Variants in FHOD3 observed in about 807,000 individuals in gnomAD.
FHOD3 encodes the protein FH1/FH2 domain-containing protein 3.
In FHOD3, 90 loss-of-function variants were observed where a neutral mutation model predicts 173.0. The observed-to-expected ratio is 0.52, with a 90% CI of 0.44 to 0.62. The LOEUF (loss-of-function observed/expected upper bound fraction) is 0.62, where lower values mean the gene tolerates loss of function less well. FHOD3 is among the 20% of genes least tolerant of loss of function. The pLI, the probability that FHOD3 is intolerant of heterozygous loss-of-function variation, is 0.00. For synonymous variants in FHOD3, 828 were observed against 823.0 expected (o/e 1.01, Z -0.10); for missense variants, 1,945 against 2,034.7 (o/e 0.96, Z 0.85).
intron 3 of FHOD3, among the ~76,000 whole-genome samples, chr18:36,391,037 G>A (rs1568210789): frequency 6.6e-6 from 1 of 152,206 alleles, no homozygotes; most frequent in African/African-American, 2.4e-5. Flanking sequence ...GGGTAATTAG[G>A]ATTGAAGGGG....
chr18:36,476,467 G>A (rs1470422991), intron 3 of FHOD3, among the ~76,000 whole-genome samples: 2 of 152,196 alleles, frequency 1.3e-5, no homozygotes, highest in Non-Finnish European at 2.9e-5. Context: ...GCAGCAGAGT[G>A]AAAGAGTGAG....
intron 17 of FHOD3, among the ~76,000 whole-genome samples, chr18:36,700,870 A>G (rs145753703): frequency 1.3e-5 from 2 of 152,086 alleles, no homozygotes; most frequent in Non-Finnish European, 2.9e-5. Flanking sequence ...CTTGGAGTGC[A>G]CTCTTCCATT....
rs758002932 is a variant in FHOD3, at chr18:36,625,711, C to T, written c.1158C>T (p.Pro386=). 6.2e-7 allele frequency: 1 copy of T among 1,610,440 alleles called. No individual in the cohort carries two copies. Among genetic ancestry groups the T allele is most frequent in the Non-Finnish European group, 8.5e-7 (1 of 1,177,872 alleles). Residue 386 remains proline (P), a synonymous_variant, in exon 10 of 29, where the codon CCC becomes CCT. Transcript: ENST00000590592. ...APTSPCSQSA[P]SFKPNQVRDL... is the part of the protein sequence containing the mutation. ...CCAGTCCCTGCTCCCAGTCAGCTCCCAGCTTCAAGCCCAACCAAGTGCGAG... is the reference window on the plus strand; with the variant it reads ...CCAGTCCCTGCTCCCAGTCAGCTCCTAGCTTCAAGCCCAACCAAGTGCGAG...
chr18:36,340,587 T>C (rs112679427), intron 1 of FHOD3, among the ~76,000 whole-genome samples: 1 of 151,652 alleles, frequency 6.6e-6, no homozygotes, highest in Non-Finnish European at 1.5e-5. Flanking sequence ...CTCTTGTTTT[T>C]TTTTTTTCCC....
At chr18:36,556,495 C>T (rs2057891202) in intron 5 of FHOD3, among the ~76,000 whole-genome samples, 1 of 152,128 alleles carries the variant, frequency 6.6e-6, no homozygotes, top group Non-Finnish European at 1.5e-5. Flanking sequence ...CCCAAGGATA[C>T]TAGACACAAC....
chr18:36,679,635 T>C (rs1414372512), intron 14 of FHOD3, among the ~76,000 whole-genome samples: 1 of 152,188 alleles, frequency 6.6e-6, no homozygotes, highest in Non-Finnish European at 1.5e-5. Context: ...CCATGTTTTT[T>C]TTTCTGACCT....
intron 3 of FHOD3, among the ~76,000 whole-genome samples, chr18:36,423,165 T>C (rs182261794): frequency 5.9e-5 from 9 of 152,322 alleles, no homozygotes; most frequent in African/African-American, 1.9e-4. Context: ...TGCTATGCTA[T>C]TCTGCTATGA....
At chr18:36,655,135 A>G (rs1466722727) in intron 13 of FHOD3, among the ~76,000 whole-genome samples, 1 of 148,388 alleles carries the variant, frequency 6.7e-6, no homozygotes, top group African/African-American at 2.5e-5. Context: ...AGTTCTCTGC[A>G]GGTCTCTTCC....
chr18:36,556,656 C>T (rs2057898862), intron 5 of FHOD3, among the ~76,000 whole-genome samples: 1 of 152,144 alleles, frequency 6.6e-6, no homozygotes, highest in Admixed American at 6.5e-5. Flanking sequence ...GTGTTAAAAA[C>T]CCCACAGAAC....
At chr18:36,721,274 A>G (rs1483997192) in intron 19 of FHOD3, among the ~76,000 whole-genome samples, 1 of 152,214 alleles carries the variant, frequency 6.6e-6, no homozygotes, top group Non-Finnish European at 1.5e-5. Flanking sequence ...TGTCTTTGGG[A>G]TAGGAAATGT....
At chr18:36,516,786 C>T (rs1426223792) in intron 5 of FHOD3, among the ~76,000 whole-genome samples, 1 of 152,176 alleles carries the variant, frequency 6.6e-6, no homozygotes, top group Non-Finnish European at 1.5e-5. Flanking sequence ...AATGATATTG[C>T]AAACCGTAAG....
intron 3 of FHOD3, among the ~76,000 whole-genome samples, chr18:36,500,583 T>G (rs1599398442): frequency 1.3e-5 from 2 of 152,348 alleles, no homozygotes; most frequent in South Asian, 2.1e-4. Flanking sequence ...ATAGTACACA[T>G]GCTTAATTTA....
chr18:36,528,151 T>C (rs187123751), intron 5 of FHOD3, among the ~76,000 whole-genome samples: 2 of 152,290 alleles, frequency 1.3e-5, no homozygotes, highest in Non-Finnish European at 2.9e-5. Context: ...CAGCTGGGGA[T>C]GGTTGTCCTG....
intron 17 of FHOD3, among the ~76,000 whole-genome samples, chr18:36,703,435 C>A (rs988528551): frequency 1.3e-5 from 2 of 152,164 alleles, no homozygotes; most frequent in African/African-American, 4.8e-5. Context: ...CTGTGTAGCT[C>A]TGGGCAAGTT....
intron 1 of FHOD3, among the ~76,000 whole-genome samples, chr18:36,310,707 GA>G (rs925510337): frequency 1.8e-4 from 26 of 145,340 alleles, no homozygotes; most frequent in African/African-American, 4.1e-4. Flanking sequence ...AAAAAGAAAA[GA>G]AAAAAAAAAG....
At chr18:36,482,731 C>A (rs1026281094) in intron 3 of FHOD3, among the ~76,000 whole-genome samples, 1 of 151,892 alleles carries the variant, frequency 6.6e-6, no homozygotes, top group Non-Finnish European at 1.5e-5. Flanking sequence ...GAGAGCAAGT[C>A]TTTTATCTTT....
intron 9 of FHOD3, among the ~76,000 whole-genome samples, chr18:36,622,511 C>T (rs2033794941): frequency 6.6e-6 from 1 of 152,252 alleles, no homozygotes; most frequent in East Asian, 1.9e-4. Context: ...CTACTTGCTC[C>T]TTGCCCAAGT....
chr18:36,479,883 C>T (rs768120947), intron 3 of FHOD3, among the ~76,000 whole-genome samples: 69 of 152,248 alleles, frequency 4.5e-4, no homozygotes, highest in Middle Eastern at 3.4e-3. Flanking sequence ...GTCCACTCTT[C>T]CTGCAACCTA....
At chr18:36,721,225 C>G (rs1274152667) in intron 19 of FHOD3, among the ~76,000 whole-genome samples, 2 of 152,138 alleles carry the variant, frequency 1.3e-5, no homozygotes, top group Non-Finnish European at 2.9e-5. Flanking sequence ...CAAACTGATT[C>G]CAGAATGTTC....
Sources: gnomAD v4.1 joint callset for allele counts (sites outside exome capture counted in the v4.1 genomes callset) on GRCh38, gnomAD v4.1.1 for gene constraint, MANE v1.5 for transcripts, NCBI Gene and HGNC (gene_info 2026-07-23, HGNC 2026-07-21) for gene names.